JAK2: variants seen among roughly 807,000 people sequenced by gnomAD.
The protein encoded by JAK2 is Janus kinase 2.
Under a neutral mutation model 139.3 loss-of-function variants are expected in JAK2, and 86 were observed. The ratio of observed to expected loss-of-function variants is 0.62; its 90% CI spans 0.52 to 0.74. The LOEUF is 0.74. Among genes scored for constraint, JAK2 ranks in the 30% least tolerant of loss-of-function variants. The pLI is 0.00. For synonymous variants in JAK2, 490 were observed against 437.7 expected, an observed-to-expected ratio of 1.12 and a Z score of -1.49; for missense variants, 1,421 against 1,360.3, an observed-to-expected ratio of 1.04 and a Z score of -0.70.
chr9:5,023,330 CATG>C (rs1233231076), intron 3 of JAK2, among the ~76,000 whole-genome samples: 1 of 152,190 alleles, frequency 6.6e-6, no homozygotes, highest in African/African-American at 2.4e-5. Flanking sequence ...CTGTGAATGA[CATG>C]ATTACATTCT....
intron 2 of JAK2, 72 bp from the exon 3 acceptor site, chr9:5,021,891 G>T: frequency 2.3e-6 from 2 of 854,278 alleles, no homozygotes; most frequent in East Asian, 2.6e-5. Context: ...CCTCGGCCCC[G>T]CAAAGTGCTA....
At chr9:4,986,358 T>G (rs1453979893) in intron 2 of JAK2, among the ~76,000 whole-genome samples, 1 of 152,228 alleles carries the variant, frequency 6.6e-6, no homozygotes, top group Non-Finnish European at 1.5e-5. Flanking sequence ...CAATAAGAGA[T>G]AGCTTTTGGG....
At chr9:5,121,565 T>C (rs1823616599) in intron 22 of JAK2, among the ~76,000 whole-genome samples, 1 of 152,160 alleles carries the variant, frequency 6.6e-6, no homozygotes, top group African/African-American at 2.4e-5. Context: ...CTATCTTCCT[T>C]GATGACTGAA....
intron 4 of JAK2, chr9:5,041,009 C>A: frequency 1.5e-6 from 1 of 657,374 alleles, no homozygotes; most frequent in Non-Finnish European, 2.8e-6. Context: ...TTCCGGACCC[C>A]GCAGCTGCAC....
intron 5 of JAK2, among the ~76,000 whole-genome samples, chr9:5,046,292 A>G (rs7862841): frequency 0.09 from 13,619 of 152,100 alleles, 1,820 homozygotes; most frequent in African/African-American, 0.29. Flanking sequence ...TATAGAAATT[A>G]TTATTCTGGA....
At chr9:5,068,373 T>G (rs556040833) in intron 10 of JAK2, among the ~76,000 whole-genome samples, 3 of 152,206 alleles carry the variant, frequency 2.0e-5, no homozygotes, top group African/African-American at 7.2e-5. Flanking sequence ...AATGTAATAT[T>G]AAAGATAATT....
At chr9:5,002,679 G>A (rs2129858042) in intron 2 of JAK2, among the ~76,000 whole-genome samples, 1 of 151,872 alleles carries the variant, frequency 6.6e-6, no homozygotes, top group South Asian at 2.1e-4. Flanking sequence ...TATTTTTACT[G>A]ATTAAAAAAA....
At chr9:5,037,803 A>C (rs944928912) in intron 4 of JAK2, among the ~76,000 whole-genome samples, 8 of 152,212 alleles carry the variant, frequency 5.3e-5, no homozygotes, top group African/African-American at 1.9e-4. Context: ...ACATGTATAC[A>C]TATGTAACTA....
At chr9:5,069,442 TG>T (rs1254643056) in intron 11 of JAK2, among the ~76,000 whole-genome samples, 1 of 152,168 alleles carries the variant, frequency 6.6e-6, no homozygotes, top group African/African-American at 2.4e-5. Context: ...ACATAATGTG[TG>T]GTATGATGTC....
intron 15 of JAK2, 32 bp downstream of exon 15, chr9:5,077,612 C>G: frequency 7.3e-7 from 1 of 1,367,814 alleles, no homozygotes; most frequent in Non-Finnish European, 9.7e-7. Context: ...TCAAAAGATA[C>G]TATTTTATTT....
chr9:5,109,523 GC>G (rs1458507331), intron 22 of JAK2: 1 of 152,110 alleles, frequency 6.6e-6, no homozygotes, highest in East Asian at 1.9e-4. Context: ...TACTATAATA[GC>G]CCTAATCGCC....
chr9:5,050,618 A>G (rs918406674), intron 5 of JAK2, 68 bp from the exon 6 acceptor site: 8 of 1,426,648 alleles, frequency 5.6e-6, no homozygotes, highest in Non-Finnish European at 7.8e-6. Flanking sequence ...TGATTAAAAT[A>G]TAATCATAGA....
At chr9:5,045,168 G>A (rs1254803101) in intron 5 of JAK2, among the ~76,000 whole-genome samples, 1 of 152,126 alleles carries the variant, frequency 6.6e-6, no homozygotes, top group Non-Finnish European at 1.5e-5. Context: ...AGACTAGTAG[G>A]AATAGAAATT....
intron 22 of JAK2, among the ~76,000 whole-genome samples, chr9:5,093,120 C>T (rs752088139): frequency 9.2e-5 from 14 of 152,074 alleles, no homozygotes; most frequent in African/African-American, 1.4e-4. Flanking sequence ...TATTCTCCAC[C>T]GCATAAGCTT....
intron 2 of JAK2, among the ~76,000 whole-genome samples, chr9:4,996,603 T>C (rs966022560): frequency 2.0e-5 from 3 of 152,054 alleles, no homozygotes; most frequent in Admixed American, 6.6e-5. Flanking sequence ...ATGTGAAATA[T>C]AGTTTTCATT....
intron 3 of JAK2, among the ~76,000 whole-genome samples, chr9:5,023,464 C>T (rs1255956897): frequency 6.6e-6 from 1 of 152,164 alleles, no homozygotes; most frequent in East Asian, 1.9e-4. Flanking sequence ...TGTGAACTTC[C>T]TCACTGGAAT....
chr9:5,097,447 A>G (rs2130724070), intron 22 of JAK2: 1 of 152,184 alleles, frequency 6.6e-6, no homozygotes, highest in East Asian at 1.9e-4. Flanking sequence ...CTCTGGAAAA[A>G]AGGAGCCATT....
intron 4 of JAK2, among the ~76,000 whole-genome samples, chr9:5,033,856 C>T (rs12004727): frequency 0.092 from 14,016 of 152,166 alleles, 1,947 homozygotes; most frequent in African/African-American, 0.3. Context: ...AACCAGGTAA[C>T]GTCATAAAGA....
chr9:5,084,045 TAATG>T (rs1360116201), intron 19 of JAK2, among the ~76,000 whole-genome samples: 1 of 152,170 alleles, frequency 6.6e-6, no homozygotes, highest in Admixed American at 6.5e-5. Flanking sequence ...AATTTTGAGT[TAATG>T]TTCTTTTGCT....
Sources: allele counts gnomAD v4.1 joint callset (sites outside exome capture counted in the v4.1 genomes callset), GRCh38; gene constraint gnomAD v4.1.1; transcripts MANE v1.5; gene names NCBI Gene and HGNC (gene_info 2026-07-23, HGNC 2026-07-21).